The following ANKS4B variants were observed in gnomAD, a reference collection of about 807,000 sequenced individuals.
The protein encoded by ANKS4B is ankyrin repeat and sterile alpha motif domain containing 4B.
A neutral mutation model predicts 20.2 loss-of-function variants in ANKS4B; 21 were observed. The observed-to-expected ratio is 1.04, with a 90% CI of 0.74 to 1.50. The LOEUF (loss-of-function observed/expected upper bound fraction) is 1.50. ANKS4B is among the 40% of genes most tolerant of loss of function. ANKS4B has a pLI of 0.00. For missense variants in ANKS4B, 473 were observed against 494.6 expected, an observed-to-expected ratio of 0.96 and a Z score of 0.41; for synonymous variants, 179 against 194.5, an observed-to-expected ratio of 0.92 and a Z score of 0.66.
intron 1 of ANKS4B, among the ~76,000 whole-genome samples, chr16:21,247,032 A>C (rs74247907): frequency 0.061 from 9,164 of 150,968 alleles, 620 homozygotes; most frequent in East Asian, 0.38. Flanking sequence ...CTGATTCAAT[A>C]GGTCTGGGTG....
chr16:21,248,507 A>T (rs1205653661), intron 1 of ANKS4B, among the ~76,000 whole-genome samples: 1 of 151,892 alleles, frequency 6.6e-6, no homozygotes, highest in African/African-American at 2.4e-5. Flanking sequence ...AGGCGGGTGG[A>T]TCACCTGAGG....
At position 21,233,914 on chromosome 16, in the gene ANKS4B, C is replaced by G. The variant is rs370905615; in HGVS notation, c.164+13C>G. ...TCTGCAGTAGAGGGTAAGTTCAACC[C>G]GATGGTTTCTGTTGGAAACAGTGTT... On this transcript the variant is annotated intron_variant, in intron 1 of 1. Transcript: ENST00000311620. 1.3e-5 allele frequency: 21 copies of G among 1,604,136 alleles called. No individual in the cohort carries two copies. Among genetic ancestry groups the G allele is most frequent in the Middle Eastern group, 3.5e-4 (2 of 5,734 alleles).
At position 21,245,525 on chromosome 16, in the gene ANKS4B, G is replaced by T. The variant is rs947658930; in HGVS notation, c.165-4206G>T. Among the ~76,000 whole-genome samples, 5 of 152,176 alleles carry T rather than the reference G, an allele frequency of 3.3e-5. No individual in the cohort carries two copies. In the East Asian group the frequency reaches 9.6e-4, roughly 29 times the overall value. On this transcript the variant is annotated intron_variant, in intron 1 of 1. Transcript: ENST00000311620. Reference sequence around the variant, plus strand: ...GTCTCACTTTGTCACCCAGGCTGGAGTGCGGCGGCGCAATCTCGGCTCACT... The same window carrying T: ...GTCTCACTTTGTCACCCAGGCTGGATTGCGGCGGCGCAATCTCGGCTCACT...
intron 1 of ANKS4B, among the ~76,000 whole-genome samples, chr16:21,238,325 C>G (rs1389930037): frequency 1.3e-5 from 2 of 152,118 alleles, no homozygotes; most frequent in Non-Finnish European, 2.9e-5. Flanking sequence ...ACTTTATTCC[C>G]CATTTATATT....
intron 1 of ANKS4B, among the ~76,000 whole-genome samples, chr16:21,235,669 G>A (rs2093319508): frequency 6.6e-6 from 1 of 152,178 alleles, no homozygotes; most frequent in Non-Finnish European, 1.5e-5. Context: ...CTGGATGTGG[G>A]CAGATAAAGG....
At chr16:21,236,853 T>C (rs2093320834) in intron 1 of ANKS4B, among the ~76,000 whole-genome samples, 1 of 152,232 alleles carries the variant, frequency 6.6e-6, no homozygotes, top group African/African-American at 2.4e-5. Flanking sequence ...ATATATACTA[T>C]AGTGCATACA....
rs546354121 is a variant in ANKS4B at position 21,248,084 on chromosome 16, C to T, written c.165-1647C>T. 1.1e-4 allele frequency among the ~76,000 whole-genome samples: 16 copies of T among 152,180 alleles called. No homozygotes were observed. The East Asian group carries it at 2.3e-3, about 22-fold the overall frequency. ...TTATTTCCCCACATGTGGCTCAATT[C>T]GGGAGGGTAGCAGTAGCATGCTGGA... On this transcript the variant is annotated intron_variant, in intron 1 of 1. Transcript: ENST00000311620.
rs1173343963 is a variant in ANKS4B at position 21,253,528 on chromosome 16, G to T, written c.*2708G>T. On this transcript the variant is annotated 3_prime_UTR_variant, in exon 2 of 2. Transcript: ENST00000311620. ...GCCACTATTATATTTCATCATCATA[G>T]ATGCCAGAATCCCCTCTTCACCTAT... The T allele has an allele frequency of 6.6e-6, 1 of 152,102 alleles. No homozygotes were observed. The highest frequency in any genetic ancestry group is 2.1e-4 in the South Asian group (1 of 4,822). 9.4% of individuals were successfully genotyped at this position (152,102 alleles called of 1,614,324 possible).
At chr16:21,240,997 T>C (rs2093325833) in intron 1 of ANKS4B, among the ~76,000 whole-genome samples, 1 of 152,174 alleles carries the variant, frequency 6.6e-6, no homozygotes, top group Admixed American at 6.5e-5. Context: ...TCACTATATG[T>C]TGGCCAGGCC....
At chr16:21,236,285 G>A (rs2093320153) in intron 1 of ANKS4B, among the ~76,000 whole-genome samples, 2 of 152,146 alleles carry the variant, frequency 1.3e-5, no homozygotes. Context: ...AACCATTCAT[G>A]AGAAATTCGC....
Position 21,251,080 on chromosome 16 carries a change from GT to G in ANKS4B, c.*265del, listed in dbSNP as rs546867647. 158 of 406,484 alleles carry G rather than the reference GT, an allele frequency of 3.9e-4. No homozygotes were observed. Among genetic ancestry groups the G allele is most frequent in the African/African-American group, 2.8e-3 (142 of 50,880 alleles). 25.2% of individuals were successfully genotyped at this position (406,484 alleles called of 1,614,324 possible). ...AGTTATCTTATATGTACATATAATT[GT>G]TTTTGTGGTTGTTTTGTTTTGTTTT... is the stretch of plus-strand genomic sequence containing the variant. On this transcript the variant is annotated 3_prime_UTR_variant, in exon 2 of 2. Coordinates refer to ENST00000311620, the MANE Select transcript of ANKS4B (RefSeq NM_145865.3).
At chr16:21,243,784 A>G (rs2152859644) in intron 1 of ANKS4B, 1 of 152,398 alleles carries the variant, frequency 6.6e-6, no homozygotes, top group South Asian at 2.1e-4. Flanking sequence ...CATGTTAGCC[A>G]GGATGGTCTT....
intron 1 of ANKS4B, among the ~76,000 whole-genome samples, chr16:21,242,932 T>C (rs1405932332): frequency 1.3e-5 from 2 of 152,214 alleles, no homozygotes; most frequent in Non-Finnish European, 2.9e-5. Flanking sequence ...TTTCTGCTTC[T>C]TCCAGCAGTA....
chr16:21,245,627 G>T (rs1219897512), intron 1 of ANKS4B, among the ~76,000 whole-genome samples: 1 of 152,036 alleles, frequency 6.6e-6, no homozygotes. Flanking sequence ...ACCATGCCTG[G>T]CTAATTTTTG....
At position 21,233,799 on chromosome 16, in the gene ANKS4B, C is replaced by A. The variant is rs2093316605; in HGVS notation, c.62C>A (p.Thr21Asn). Residue 21 changes from threonine (T) to asparagine (N), a missense_variant, in exon 1 of 2, where the codon ACC becomes AAC. By Grantham distance (65) the Thr-to-Asn change is moderately conservative. Transcript: ENST00000311620. Reference sequence around the variant, plus strand: ...TACCTGGAACTTCTAAAAGAGGCTACCAAGCGAGATCTAAATCTTTCGGAT... The same window carrying A: ...TACCTGGAACTTCTAAAAGAGGCTAACAAGCGAGATCTAAATCTTTCGGAT... Reference protein sequence around the residue: ...DSYLELLKEATKRDLNLSDED... With the variant: ...DSYLELLKEANKRDLNLSDED... The A allele has an allele frequency of 1.9e-6, 3 of 1,613,888 alleles. No individual in the cohort carries two copies. The highest frequency in any genetic ancestry group is 2.5e-6 in the Non-Finnish European group (3 of 1,179,954).
At position 21,249,974 on chromosome 16, in the gene ANKS4B, G is replaced by A. The variant is rs1217898876; in HGVS notation, c.408G>A (p.Lys136=). The part of the protein sequence containing the change: ...IMNPKKVTRL[K]EQAQKNARRQ... ...ACCCCAAGAAGGTCACCAGGCTGAAGGAGCAGGCTCAGAAGAATGCCAGGA... is the reference window on the plus strand; with the variant it reads ...ACCCCAAGAAGGTCACCAGGCTGAAAGAGCAGGCTCAGAAGAATGCCAGGA... Residue 136 remains lysine (K), a synonymous_variant, in exon 2 of 2, where the codon AAG becomes AAA. Coordinates refer to ENST00000311620, the MANE Select transcript of ANKS4B (RefSeq NM_145865.3). 2 of 1,614,222 alleles carry A rather than the reference G, an allele frequency of 1.2e-6. No homozygotes were observed. Among genetic ancestry groups the A allele is most frequent in the South Asian group, 2.2e-5 (2 of 91,084 alleles).
chr16:21,244,726 G>A (rs192975187), intron 1 of ANKS4B, among the ~76,000 whole-genome samples: 2 of 152,216 alleles, frequency 1.3e-5, no homozygotes, highest in African/African-American at 2.4e-5. Flanking sequence ...ATGTTTAGGG[G>A]GGAGACACAG....
intron 1 of ANKS4B, among the ~76,000 whole-genome samples, chr16:21,247,841 G>T (rs968302082): frequency 1.3e-5 from 2 of 152,130 alleles, no homozygotes; most frequent in Non-Finnish European, 2.9e-5. Flanking sequence ...TTAGGTTTAT[G>T]GCCTTAATAC....
At position 21,252,190 on chromosome 16, in the gene ANKS4B, C is replaced by T. The variant is rs1358258302; in HGVS notation, c.*1370C>T. 6.6e-6 allele frequency: 1 copy of T among 152,556 alleles called. No homozygotes were observed. Among genetic ancestry groups the T allele is most frequent in the Non-Finnish European group, 1.5e-5 (1 of 68,338 alleles). The allele number at this position is 152,556 out of a possible 1,614,324, so 9.5% of individuals were successfully genotyped here. A position where few individuals can be genotyped will look rare whatever the true frequency, so the allele number is the denominator to read the frequency against. On this transcript the variant is annotated 3_prime_UTR_variant, in exon 2 of 2. Coordinates refer to ENST00000311620, the MANE Select transcript of ANKS4B (RefSeq NM_145865.3). ...TCAGGTGATCCACCTGCCTCGGCCT[C>T]CCAGAGTGCTGGGATTACAGGCATG... is the stretch of plus-strand genomic sequence containing the variant.
Sources: allele counts gnomAD v4.1 joint callset (sites outside exome capture counted in the v4.1 genomes callset), GRCh38; gene constraint gnomAD v4.1.1; transcripts MANE v1.5; gene names NCBI Gene and HGNC (gene_info 2026-07-23, HGNC 2026-07-21).